The following TRIO variants were observed in gnomAD, a reference collection of about 807,000 sequenced individuals.
The protein encoded by TRIO is triple functional domain protein.
In TRIO, 58 loss-of-function variants were observed where a neutral mutation model predicts 351.9. The ratio of observed to expected loss-of-function variants is 0.16; its 90% CI spans 0.13 to 0.21. TRIO has a LOEUF of 0.21. Among genes scored for constraint, TRIO ranks in the 10% least tolerant of loss-of-function variants. TRIO has a pLI of 1.00. For missense variants in TRIO, 3,201 were observed against 4,027.8 expected (o/e 0.79, Z 5.56); for synonymous variants, 1,758 against 1,595.7 (o/e 1.10, Z -2.42).
chr5:14,377,846 G>GTC (rs1340293231), intron 19 of TRIO, among the ~76,000 whole-genome samples, 166 bp from the exon 20 acceptor site: 7 of 152,208 alleles, frequency 4.6e-5, no homozygotes, highest in Non-Finnish European at 7.3e-5. Context: ...GTGAGAAGAG[G>GTC]TCTGGTAGAC....
chr5:14,242,237 T>C (rs1241754929), intron 1 of TRIO, among the ~76,000 whole-genome samples: 1 of 152,250 alleles, frequency 6.6e-6, no homozygotes, highest in African/African-American at 2.4e-5. Context: ...TGTTTTCCGT[T>C]GACTAACAGA....
At chr5:14,311,129 T>C (rs1345864351) in intron 8 of TRIO, among the ~76,000 whole-genome samples, 3 of 152,202 alleles carry the variant, frequency 2.0e-5, no homozygotes, top group Non-Finnish European at 4.4e-5. Flanking sequence ...CAAACTCAGC[T>C]TGAGGCCTTG....
rs1296681753 is a variant in TRIO at position 14,416,657 on chromosome 5, T to C, written c.4960-3121T>C. On this transcript the variant is annotated intron_variant, in intron 33 of 56. Coordinates refer to ENST00000344204, the MANE Select transcript of TRIO (RefSeq NM_007118.4). The stretch of plus-strand genomic sequence containing the variant: ...AGTACACAGATGTTTCCAATAGTTT[T>C]TGATTACTCTTTAAGGGCCTAAAAA... Among the ~76,000 whole-genome samples the C allele has an allele frequency of 2.0e-5, 3 of 152,364 alleles. No homozygotes were observed. In the East Asian group the frequency reaches 5.8e-4, roughly 29 times the overall value.
chr5:14,311,207 G>T (rs1738899421), intron 8 of TRIO, among the ~76,000 whole-genome samples: 1 of 152,196 alleles, frequency 6.6e-6, no homozygotes, highest in Admixed American at 6.5e-5. Flanking sequence ...CACATGTCAG[G>T]CATATGGAAC....
chr5:14,200,017 T>C (rs2152170084), intron 1 of TRIO, among the ~76,000 whole-genome samples: 1 of 152,338 alleles, frequency 6.6e-6, no homozygotes, highest in East Asian at 1.9e-4. Flanking sequence ...GCTGGTTTTC[T>C]AGTGACTATA....
At chr5:14,165,738 A>C (rs919398283) in intron 1 of TRIO, among the ~76,000 whole-genome samples, 14 of 152,156 alleles carry the variant, frequency 9.2e-5, no homozygotes, top group African/African-American at 3.1e-4. Flanking sequence ...GCATTTGCCC[A>C]GAAGTAAGCA....
In TRIO at chr5:14,297,004, G is replaced by C. The variant is rs1046693082; in HGVS notation, c.1177-68G>C. ...CCTGTGTTTCAGCAGGTGGCATCTG[G>C]GCTTCTTAGAAGGGAGCCTCCTATT... On this transcript the variant is annotated intron_variant, in intron 6 of 56. Coordinates refer to ENST00000344204, the MANE Select transcript of TRIO (RefSeq NM_007118.4). The C allele has an allele frequency of 2.1e-6, 3 of 1,451,944 alleles. No homozygotes were observed. In the African/African-American group the frequency reaches 4.2e-5, roughly 20 times the overall value. 89.9% of individuals were successfully genotyped at this position (1,451,944 alleles called of 1,614,324 possible). A position where few individuals can be genotyped will look rare whatever the true frequency, so the allele number is the denominator to read the frequency against.
intron 1 of TRIO, among the ~76,000 whole-genome samples, chr5:14,231,018 G>A (rs1470383488): frequency 9.9e-5 from 15 of 152,180 alleles, no homozygotes; most frequent in Non-Finnish European, 2.1e-4. Context: ...CCAATGCCTA[G>A]TTCTTGTGTT....
At chr5:14,287,138 G>C in intron 4 of TRIO, 75 bp downstream of exon 4, 1 of 1,459,382 alleles carries the variant, frequency 6.9e-7, no homozygotes, top group Non-Finnish European at 9.3e-7. Flanking sequence ...GCTAATGAGA[G>C]ATTTTTTTTT....
intron 1 of TRIO, among the ~76,000 whole-genome samples, chr5:14,176,690 C>T (rs1051784618): frequency 5.9e-5 from 9 of 152,124 alleles, no homozygotes; most frequent in African/African-American, 2.2e-4. Flanking sequence ...AACTCCTACC[C>T]ACTTGGCCTC....
At position 14,374,358 on chromosome 5, in the gene TRIO, G is replaced by A. The variant is rs1441600335; in HGVS notation, c.3331+15G>A. The A allele has an allele frequency of 6.2e-7, 1 of 1,607,042 alleles. No individual in the cohort carries two copies. The highest frequency in any genetic ancestry group is 8.5e-7 in the Non-Finnish European group (1 of 1,175,518). On this transcript the variant is annotated intron_variant, in intron 19 of 56. Coordinates refer to ENST00000344204, the MANE Select transcript of TRIO (RefSeq NM_007118.4). ...GCAAGTGAAAAGTGAGTAGAGCTGG[G>A]AGTCTCCAGGGGTGGCCCAGTGCAT...
intron 1 of TRIO, among the ~76,000 whole-genome samples, chr5:14,181,266 A>G (rs1789749750): frequency 6.6e-6 from 1 of 152,240 alleles, no homozygotes; most frequent in Non-Finnish European, 1.5e-5. Flanking sequence ...AACCATGAAA[A>G]GGAAATGTCC....
rs752250789 is a variant in TRIO, at chr5:14,498,126, G to A, written c.8085G>A (p.Thr2695=). 5.4e-5 allele frequency: 87 copies of A among 1,614,172 alleles called. No homozygotes were observed. Among genetic ancestry groups the A allele is most frequent in the East Asian group, 2.0e-4 (9 of 44,880 alleles). Residue 2695 remains threonine (T), a synonymous_variant, in exon 52 of 57, where the codon ACG becomes ACA. Transcript: ENST00000344204. The part of the protein sequence containing the change: ...PEFVIPLSEV[T]CETGETVVLR... ...TCGTCATTCCATTGAGTGAGGTCAC[G>A]TGTGAGACAGGGGAGACCGTTGTTC...
In TRIO at chr5:14,497,031, T is replaced by C; in HGVS notation, c.8019+14T>C. 6.2e-7 allele frequency: 1 copy of C among 1,612,492 alleles called. No individual in the cohort carries two copies. Among genetic ancestry groups the C allele is most frequent in the Non-Finnish European group, 8.5e-7 (1 of 1,179,274 alleles). On this transcript the variant is annotated intron_variant, in intron 50 of 56. Transcript: ENST00000344204. This position sits in a 1 kb window ranked among gnomAD's most constrained non-coding sequence, Gnocchi z 4.4. ...GTATCTGTGAAGGTGTGTTCGGGGG[T>C]CTTCAGGAGTCCGTGTCATCCCAGC...
At position 14,497,992 on chromosome 5, in the gene TRIO, T is replaced by C. The variant is rs534928585; in HGVS notation, c.8048-97T>C. The C allele has an allele frequency of 6.2e-7, 1 of 1,610,242 alleles. No individual in the cohort carries two copies. The highest frequency in any genetic ancestry group is 8.5e-7 in the Non-Finnish European group (1 of 1,176,782). On this transcript the variant is annotated intron_variant, in intron 51 of 56. Coordinates refer to ENST00000344204, the MANE Select transcript of TRIO (RefSeq NM_007118.4). This position sits in a 1 kb window ranked among gnomAD's most constrained non-coding sequence, Gnocchi z 4.4. ...TTTTCCGTGGCGCTCTAGGCGTGCA[T>C]AGCAGGTTAGGTCCTATCAATCTGT... is the stretch of plus-strand genomic sequence containing the variant.
chr5:14,172,086 C>G (rs988057040), intron 1 of TRIO, among the ~76,000 whole-genome samples: 2 of 152,196 alleles, frequency 1.3e-5, no homozygotes, highest in African/African-American at 4.8e-5. Context: ...AATCTGTTCT[C>G]TCTCTTTCTA....
chr5:14,302,882 T>A lies in TRIO; in HGVS notation c.1369-1579T>A, dbSNP rs975033431. On this transcript the variant is annotated intron_variant, in intron 7 of 56. Coordinates refer to ENST00000344204, the MANE Select transcript of TRIO (RefSeq NM_007118.4). ...TTTGGCTTAATTGAATTAGCTTTTTTAATTGGGCCTTCCGCACTTGCCTTT... is the reference window on the plus strand; with the variant it reads ...TTTGGCTTAATTGAATTAGCTTTTTAAATTGGGCCTTCCGCACTTGCCTTT... 2.6e-5 allele frequency among the ~76,000 whole-genome samples: 4 copies of A among 152,238 alleles called. 1 individual carries two copies. Among genetic ancestry groups the A allele is most frequent in the African/African-American group, 9.6e-5 (4 of 41,468 alleles).
chr5:14,330,410 A>G (rs1201799795), intron 9 of TRIO, among the ~76,000 whole-genome samples: 1 of 152,232 alleles, frequency 6.6e-6, no homozygotes, highest in East Asian at 1.9e-4. Context: ...GCTAAGTTAA[A>G]TTGGCCCTGT....
At chr5:14,444,220 T>A (rs1752275860) in intron 34 of TRIO, among the ~76,000 whole-genome samples, 1 of 152,192 alleles carries the variant, frequency 6.6e-6, no homozygotes, top group Non-Finnish European at 1.5e-5. Context: ...ATACATAATA[T>A]GAACCTATTC....
Sources: allele counts gnomAD v4.1 joint callset (sites outside exome capture counted in the v4.1 genomes callset), GRCh38; gene constraint gnomAD v4.1.1; non-coding constraint Gnocchi (gnomAD v3.1); transcripts MANE v1.5; gene names NCBI Gene and HGNC (gene_info 2026-07-23, HGNC 2026-07-21).